Variants in CDK14 observed in about 807,000 individuals in gnomAD.
CDK14 encodes cyclin-dependent kinase 14.
In CDK14, 34 loss-of-function variants were observed where a neutral mutation model predicts 60.7. The observed-to-expected ratio is 0.56, with a 90% CI of 0.43 to 0.75. CDK14 has a LOEUF of 0.75. Ranked by LOEUF, CDK14 falls within the 30% of genes least tolerant of loss-of-function variation. The pLI, the probability that CDK14 is intolerant of heterozygous loss-of-function variation, is 0.00. For missense variants in CDK14, 482 were observed against 564.1 expected, an observed-to-expected ratio of 0.85 and a Z score of 1.47; for synonymous variants, 197 against 203.7, an observed-to-expected ratio of 0.97 and a Z score of 0.28.
intron 11 of CDK14, among the ~76,000 whole-genome samples, chr7:91,076,872 A>G (rs748575329): frequency 5.3e-5 from 8 of 152,266 alleles, no homozygotes; most frequent in Non-Finnish European, 1.0e-4. Context: ...GAAGACATTT[A>G]TACAGCCAAC....
At chr7:90,989,001 A>AGTGT (rs10696275) in intron 10 of CDK14, among the ~76,000 whole-genome samples, 44,101 of 149,630 alleles carry the variant, frequency 0.29, 6,486 homozygotes, top group East Asian at 0.38. Context: ...TTTGTGTGTG[A>AGTGT]GTGTGTGTGT....
At chr7:91,132,355 G>A (rs2116428905) in intron 14 of CDK14, among the ~76,000 whole-genome samples, 1 of 152,230 alleles carries the variant, frequency 6.6e-6, no homozygotes, top group East Asian at 1.9e-4. Context: ...AGCATCTCTA[G>A]GGACTGATCT....
At chr7:91,036,844 C>T (rs1470472842) in intron 10 of CDK14, among the ~76,000 whole-genome samples, 2 of 152,026 alleles carry the variant, frequency 1.3e-5, no homozygotes, top group African/African-American at 4.8e-5. Context: ...GGTTGGTGCC[C>T]CAACCCCTGC....
At chr7:90,928,889 C>G (rs1378453800) in intron 8 of CDK14, among the ~76,000 whole-genome samples, 1 of 152,216 alleles carries the variant, frequency 6.6e-6, no homozygotes, top group African/African-American at 2.4e-5. Context: ...AGCTTCCTGG[C>G]TGCTTTGTTT....
chr7:90,896,588 G>C (rs768312798), intron 6 of CDK14, among the ~76,000 whole-genome samples: 2 of 151,880 alleles, frequency 1.3e-5, no homozygotes, highest in African/African-American at 2.4e-5. Context: ...AACAATTAGG[G>C]CTCACCCTTC....
rs1237046149 is a variant in CDK14 at position 90,729,344 on chromosome 7, G to GTTTTTTTTTTTTTTTTTTTT, written c.369+2540_369+2559dup. ...TGCCTTGGATCATGTAGGTATCAAG[G>GTTTTTTTTTTTTTTTTTTTT]TTTTTTTTTTTTTTTTTTTTTTTTT... On this transcript the variant is annotated intron_variant, in intron 3 of 14. Transcript: ENST00000380050. 4.4e-5 allele frequency among the ~76,000 whole-genome samples: 2 copies of GTTTTTTTTTTTTTTTTTTTT among 45,206 alleles called. 1 individual carries two copies. The highest frequency in any genetic ancestry group is 1.8e-4 in the African/African-American group (2 of 11,350). The allele number at this position is 45,206 out of a possible 152,430, so 29.7% of individuals were successfully genotyped here. A position where few individuals can be genotyped will look rare whatever the true frequency, so the allele number is the denominator to read the frequency against.
intron 10 of CDK14, among the ~76,000 whole-genome samples, chr7:91,005,196 C>T (rs1008389520): frequency 6.6e-6 from 1 of 152,186 alleles, no homozygotes; most frequent in Non-Finnish European, 1.5e-5. Flanking sequence ...CAGGAAATCC[C>T]CTCCTGGGTT....
intron 2 of CDK14, chr7:90,726,305 C>G (rs2116709203): frequency 1.0e-6 from 1 of 983,920 alleles, no homozygotes; most frequent in East Asian, 1.1e-4. Flanking sequence ...TGTTAGGGTA[C>G]TACTAGCAGC....
chr7:90,735,064 C>T (rs541087946), intron 3 of CDK14, among the ~76,000 whole-genome samples: 7 of 152,210 alleles, frequency 4.6e-5, no homozygotes, highest in South Asian at 2.1e-4. Flanking sequence ...TTCTAACAGG[C>T]GCTTCTGCTG....
intron 5 of CDK14, among the ~76,000 whole-genome samples, chr7:90,857,507 T>A (rs10487988): frequency 0.13 from 20,476 of 152,252 alleles, 1,572 homozygotes; most frequent in Middle Eastern, 0.26. Flanking sequence ...TGTGCAATTT[T>A]ACCTTTTCAA....
At chr7:91,115,607 T>G (rs1799583622) in intron 13 of CDK14, among the ~76,000 whole-genome samples, 1 of 152,088 alleles carries the variant, frequency 6.6e-6, no homozygotes, top group Non-Finnish European at 1.5e-5. Flanking sequence ...AGGAAAACAC[T>G]TATGCAAGCA....
chr7:90,687,589 A>C (rs1801463921), intron 2 of CDK14, among the ~76,000 whole-genome samples: 1 of 152,086 alleles, frequency 6.6e-6, no homozygotes, highest in Non-Finnish European at 1.5e-5. Flanking sequence ...ATTAATGACT[A>C]AATGTGTAAT....
intron 14 of CDK14, among the ~76,000 whole-genome samples, chr7:91,205,887 C>T (rs1049402904): frequency 2.0e-5 from 3 of 152,202 alleles, no homozygotes; most frequent in Middle Eastern, 6.8e-3. Context: ...CCTCTGCCTC[C>T]TGGGTTCATG....
chr7:90,710,370 GC>G, intron 2 of CDK14: 1 of 985,232 alleles, frequency 1.0e-6, no homozygotes, highest in Non-Finnish European at 1.2e-6. Context: ...TCTGAGTCAA[GC>G]AAGTGAAGGA....
chr7:90,862,778 A>T (rs1791051230), intron 5 of CDK14, among the ~76,000 whole-genome samples: 1 of 152,224 alleles, frequency 6.6e-6, no homozygotes, highest in Non-Finnish European at 1.5e-5. Context: ...ACAAATTTAA[A>T]GAATTGGAAT....
chr7:90,870,960 G>A (rs1364696754), intron 6 of CDK14, among the ~76,000 whole-genome samples: 5 of 152,174 alleles, frequency 3.3e-5, no homozygotes, highest in African/African-American at 1.2e-4. Context: ...AAATCTAGTT[G>A]TTAGGAGATC....
chr7:90,885,274 G>A (rs1459998478), intron 6 of CDK14, among the ~76,000 whole-genome samples: 1 of 152,040 alleles, frequency 6.6e-6, no homozygotes, highest in Non-Finnish European at 1.5e-5. Context: ...AGTGGGCAAA[G>A]GATATGAACA....
intron 5 of CDK14, among the ~76,000 whole-genome samples, chr7:90,811,471 A>G (rs1449523198): frequency 5.9e-5 from 9 of 152,210 alleles, no homozygotes; most frequent in Non-Finnish European, 1.2e-4. Context: ...ATAATTCAAG[A>G]TGGATTAAAG....
intron 2 of CDK14, among the ~76,000 whole-genome samples, chr7:90,708,900 A>G (rs1801963832): frequency 1.3e-5 from 2 of 152,066 alleles, no homozygotes; most frequent in South Asian, 4.2e-4. Flanking sequence ...GAGGACAGGA[A>G]CTCCTTTAAA....
Sources: gnomAD v4.1 joint callset for allele counts (sites outside exome capture counted in the v4.1 genomes callset) on GRCh38, gnomAD v4.1.1 for gene constraint, MANE v1.5 for transcripts, NCBI Gene and HGNC (gene_info 2026-07-23, HGNC 2026-07-21) for gene names.